PARN: variants seen among roughly 807,000 people sequenced by gnomAD.
The protein encoded by PARN is poly(A)-specific ribonuclease, also known as poly(A)-specific ribonuclease PARN.
In PARN, 71 loss-of-function variants were observed where a neutral mutation model predicts 102.8. The ratio of observed to expected loss-of-function variants is 0.69; its 90% confidence interval spans 0.57 to 0.84. PARN has a LOEUF of 0.84. PARN is among the 40% of genes least tolerant of loss of function. The pLI, the probability that PARN is intolerant of heterozygous loss-of-function variation, is 0.00. For synonymous variants in PARN, 261 were observed against 252.9 expected (o/e 1.03, Z -0.30); for missense variants, 782 against 760.9 (o/e 1.03, Z -0.33).
chr16:14,590,067 A>G (rs140798883), intron 13 of PARN, among the ~76,000 whole-genome samples: 4,306 of 151,670 alleles, frequency 0.028, 84 homozygotes, highest in Non-Finnish European at 0.041. Flanking sequence ...CCTTGCCAAC[A>G]TGGTGAAACC....
At chr16:14,597,659 C>T (rs1006334308) in intron 12 of PARN, among the ~76,000 whole-genome samples, 5 of 151,254 alleles carry the variant, frequency 3.3e-5, no homozygotes, top group East Asian at 2.0e-4. Flanking sequence ...ATCGCGCCAC[C>T]GCGCTCCAGC....
intron 22 of PARN, among the ~76,000 whole-genome samples, chr16:14,465,036 T>A (rs79502683): frequency 1.3e-5 from 2 of 152,250 alleles, no homozygotes; most frequent in African/African-American, 4.8e-5. Flanking sequence ...AGGAAATACT[T>A]ACATGGGTAA....
At chr16:14,477,910 G>A (rs753767406) in intron 22 of PARN, among the ~76,000 whole-genome samples, 3 of 152,104 alleles carry the variant, frequency 2.0e-5, no homozygotes, top group Non-Finnish European at 4.4e-5. Context: ...CACAATATCA[G>A]CAACCAAATC....
chr16:14,625,841 T>C (rs1050344664), intron 5 of PARN, among the ~76,000 whole-genome samples: 4 of 152,202 alleles, frequency 2.6e-5, no homozygotes, highest in African/African-American at 7.2e-5. Flanking sequence ...GAATTCATGT[T>C]TTTAGTGGGA....
chr16:14,584,797 A>C lies in PARN; in HGVS notation c.963-6T>G, dbSNP rs1393669622. The C allele has an allele frequency of 6.6e-7, 1 of 1,522,990 alleles. No homozygotes were observed. 94.3% of individuals were successfully genotyped at this position (1,522,990 alleles called of 1,614,324 possible). A position where few individuals can be genotyped will look rare whatever the true frequency, so the allele number is the denominator to read the frequency against. On this transcript the variant is annotated splice_region_variant and splice_polypyrimidine_tract_variant and intron_variant, in intron 14 of 23. Transcript: ENST00000437198. ...TCAATTTAGTATCCAAGAGTCTAAA[A>C]AGAATTTTTAACAAGGTAAACAAAA...
At chr16:14,557,138 C>T (rs1967741246) in intron 18 of PARN, among the ~76,000 whole-genome samples, 1 of 152,056 alleles carries the variant, frequency 6.6e-6, no homozygotes, top group Non-Finnish European at 1.5e-5. Flanking sequence ...ACTTAGATAA[C>T]AATATATTAT....
intron 22 of PARN, among the ~76,000 whole-genome samples, chr16:14,456,968 C>A (rs1264198234): frequency 6.6e-6 from 1 of 152,148 alleles, no homozygotes; most frequent in African/African-American, 2.4e-5. Context: ...CTAGAATGTA[C>A]GTTCCATGAG....
intron 21 of PARN, among the ~76,000 whole-genome samples, chr16:14,496,532 A>G (rs1220626974): frequency 1.3e-5 from 2 of 152,244 alleles, no homozygotes; most frequent in Non-Finnish European, 2.9e-5. Context: ...GTTGACAGAC[A>G]GCTGAAAGAC....
intron 18 of PARN, among the ~76,000 whole-genome samples, chr16:14,561,231 T>C (rs941666960): frequency 1.3e-5 from 2 of 151,840 alleles, no homozygotes; most frequent in Non-Finnish European, 2.9e-5. Context: ...CATTAGTTAC[T>C]GAAGAATTTC....
At chr16:14,476,186 T>C (rs1963040678) in intron 22 of PARN, among the ~76,000 whole-genome samples, 1 of 152,176 alleles carries the variant, frequency 6.6e-6, no homozygotes, top group Non-Finnish European at 1.5e-5. Flanking sequence ...ATATCTACCA[T>C]TTAAAAAGGA....
At chr16:14,610,408 G>C (rs908042722) in intron 7 of PARN, among the ~76,000 whole-genome samples, 4 of 151,682 alleles carry the variant, frequency 2.6e-5, no homozygotes, top group Admixed American at 2.0e-4. Flanking sequence ...AGGAGGCAGA[G>C]GTTGCAGTAA....
chr16:14,468,851 G>T (rs1962528412), intron 22 of PARN, among the ~76,000 whole-genome samples: 1 of 148,706 alleles, frequency 6.7e-6, no homozygotes. Flanking sequence ...AGACCAGCTG[G>T]GGCAACACAG....
At chr16:14,450,084 G>A (rs1323896854) in intron 22 of PARN, among the ~76,000 whole-genome samples, 1 of 152,144 alleles carries the variant, frequency 6.6e-6, no homozygotes, top group Non-Finnish European at 1.5e-5. Flanking sequence ...AAAACTGGTT[G>A]AATACGCAAC....
chr16:14,624,513 C>T (rs1242421355), intron 5 of PARN, among the ~76,000 whole-genome samples: 1 of 152,172 alleles, frequency 6.6e-6, no homozygotes, highest in African/African-American at 2.4e-5. Flanking sequence ...GCAACTACAA[C>T]TGTATTAAGT....
chr16:14,491,909 G>A (rs1647071318), intron 21 of PARN, among the ~76,000 whole-genome samples: 2 of 152,348 alleles, frequency 1.3e-5, no homozygotes, highest in Middle Eastern at 3.4e-3. Context: ...ACATTTTTCA[G>A]TTAAAAATCC....
intron 5 of PARN, among the ~76,000 whole-genome samples, chr16:14,618,025 A>T (rs1032497415): frequency 4.0e-5 from 6 of 151,416 alleles, no homozygotes; most frequent in Non-Finnish European, 8.8e-5. Flanking sequence ...AATATTTTTT[A>T]AAAATCTACT....
chr16:14,437,528 T>C (rs1327576751), intron 23 of PARN, among the ~76,000 whole-genome samples: 1 of 152,218 alleles, frequency 6.6e-6, no homozygotes, highest in Non-Finnish European at 1.5e-5. Context: ...TTTTTATTCA[T>C]GCCACTTTCT....
rs188324999 is a variant in PARN at position 14,438,449 on chromosome 16, G to C, written c.1865-1677C>G. On this transcript the variant is annotated intron_variant, in intron 23 of 23. Transcript: ENST00000437198. Reference sequence around the variant, plus strand: ...CTGCACCTGCCATTAGTTGGGGGGGGGGGTGTGTGAGTGCACAGTGAGCCA... The same window carrying C: ...CTGCACCTGCCATTAGTTGGGGGGGCGGGTGTGTGAGTGCACAGTGAGCCA... Among the ~76,000 whole-genome samples, 11 of 150,206 alleles carry C rather than the reference G, an allele frequency of 7.3e-5. 1 individual carries two copies. Among genetic ancestry groups the C allele is most frequent in the Admixed American group, 2.0e-4 (3 of 15,152 alleles).
At chr16:14,522,990 C>A (rs546451843) in intron 21 of PARN, among the ~76,000 whole-genome samples, 12 of 152,096 alleles carry the variant, frequency 7.9e-5, no homozygotes, top group Admixed American at 1.3e-4. Flanking sequence ...ATGCTCTTCA[C>A]AAAAGACACA....
Sources: allele counts gnomAD v4.1 joint callset (sites outside exome capture counted in the v4.1 genomes callset), GRCh38; gene constraint gnomAD v4.1.1; transcripts MANE v1.5; gene names NCBI Gene and HGNC (gene_info 2026-07-23, HGNC 2026-07-21).